Variants in SMARCC1 observed in about 807,000 individuals in gnomAD.
SMARCC1 encodes SWI/SNF related BAF chromatin remodeling complex subunit C1.
SMARCC1 carries 43 observed loss-of-function variants against 147.4 expected under a neutral mutation model. The ratio of observed to expected loss-of-function variants is 0.29; its 90% CI spans 0.23 to 0.38. The LOEUF (loss-of-function observed/expected upper bound fraction) is 0.38. SMARCC1 is among the 10% of genes least tolerant of loss of function. The probability of loss-of-function intolerance (pLI) is 1.00; values close to 1 mark genes in which losing one functional copy is unlikely to be tolerated. For missense variants in SMARCC1, 1,119 were observed against 1,381.1 expected (o/e 0.81, Z 3.01); for synonymous variants, 495 against 484.4 (o/e 1.02, Z -0.29).
At chr3:47,640,348 A>G (rs1476093330) in intron 21 of SMARCC1, among the ~76,000 whole-genome samples, 1 of 152,096 alleles carries the variant, frequency 6.6e-6, no homozygotes, top group Non-Finnish European at 1.5e-5. Context: ...AATGATAAAT[A>G]TAACTGATGA....
At chr3:47,622,373 G>A (rs745713299) in intron 24 of SMARCC1, 32 bp from the exon 25 acceptor site, 15 of 1,605,286 alleles carry the variant, frequency 9.3e-6, no homozygotes, top group Non-Finnish European at 1.2e-5. Context: ...AGCTATTTAG[G>A]TAAACATTTG....
chr3:47,683,326 G>A (rs1278148847), intron 14 of SMARCC1, among the ~76,000 whole-genome samples: 2 of 152,062 alleles, frequency 1.3e-5, no homozygotes, highest in Non-Finnish European at 2.9e-5. Flanking sequence ...GATTGCAGGT[G>A]TGAGCCATCG....
Position 47,710,739 on chromosome 3 carries a change from C to T in SMARCC1, c.862G>A (p.Asp288Asn). Reference protein sequence around the residue: ...EWMNEEDYEVDENRKPVSFRQ... With the variant: ...EWMNEEDYEVNENRKPVSFRQ... ...AAACTCACAGGCTTCCTATTTTCAT[C>T]CACCTCATAATCCTCCTCATTCATC... Residue 288 changes from aspartate to asparagine, a missense_variant, in exon 9 of 28, where the codon GAT (aspartate) becomes AAT (asparagine). Around this residue, in one of 6 missense-constraint regions of SMARCC1, gnomAD observed 542 missense variants for 611.8 expected, o/e 0.89. Coordinates refer to ENST00000254480, the MANE Select transcript of SMARCC1 (RefSeq NM_003074.4). 1 of 1,613,450 alleles carries T rather than the reference C, an allele frequency of 6.2e-7. No individual in the cohort carries two copies. The highest frequency in any genetic ancestry group is 8.5e-7 in the Non-Finnish European group (1 of 1,179,550).
chr3:47,725,437 C>T (rs975878143), intron 6 of SMARCC1, among the ~76,000 whole-genome samples: 5 of 151,676 alleles, frequency 3.3e-5, no homozygotes, highest in Non-Finnish European at 7.4e-5. Flanking sequence ...CAATTGTGCA[C>T]TTTATTATTA....
Position 47,610,231 on chromosome 3 carries a change from G to C in SMARCC1, c.2878C>G (p.Gln960Glu). 6.2e-7 allele frequency: 1 copy of C among 1,614,216 alleles called. No individual in the cohort carries two copies. Among genetic ancestry groups the C allele is most frequent in the South Asian group, 1.1e-5 (1 of 91,086 alleles). Residue 960 changes from glutamine (Q) to glutamate (E), a missense_variant, in exon 26 of 28, where the codon CAG (glutamine) becomes GAG (glutamate). By Grantham distance (29) the Gln-to-Glu change is conservative. Around this residue, in one of 6 missense-constraint regions of SMARCC1, gnomAD observed 186 missense variants for 216.5 expected, o/e 0.86. Coordinates refer to ENST00000254480, the MANE Select transcript of SMARCC1 (RefSeq NM_003074.4). Reference sequence around the variant, plus strand: ...TGAGGGTTCTGGCCATGCTGCTGCTGTTCCATTTGCTGTCGTGCTCGTAAT... The same window carrying C: ...TGAGGGTTCTGGCCATGCTGCTGCTCTTCCATTTGCTGTCGTGCTCGTAAT... ...AELRARQQME[Q>E]QQHGQNPQQA...
Position 47,633,763 on chromosome 3 carries a change from A to AATAT in SMARCC1, c.2646+1423_2646+1426dup, listed in dbSNP as rs1203888918. On this transcript the variant is annotated intron_variant, in intron 24 of 27. Coordinates refer to ENST00000254480, the MANE Select transcript of SMARCC1 (RefSeq NM_003074.4). ...TCTCAAAAAAAAAAAAAAAAAAAAA[A>AATAT]ATATATATATATATATACACACACA... 2.2e-4 allele frequency among the ~76,000 whole-genome samples: 7 copies of AATAT among 31,718 alleles called. 1 individual carries two copies. The highest frequency in any genetic ancestry group is 5.1e-4 in the African/African-American group (6 of 11,838). The allele number at this position is 31,718 out of a possible 152,430, so 20.8% of individuals were successfully genotyped here. A position where few individuals can be genotyped will look rare whatever the true frequency, so the allele number is the denominator to read the frequency against.
intron 2 of SMARCC1, among the ~76,000 whole-genome samples, chr3:47,756,167 G>A (rs1258575514): frequency 1.4e-5 from 2 of 146,914 alleles, no homozygotes; most frequent in African/African-American, 5.0e-5. Context: ...GGGCAATACT[G>A]CATCTCAAAA....
At chr3:47,709,131 C>T (rs993559439) in intron 9 of SMARCC1, among the ~76,000 whole-genome samples, 10 of 151,856 alleles carry the variant, frequency 6.6e-5, no homozygotes, top group African/African-American at 1.9e-4. Flanking sequence ...TGTGGTGGCA[C>T]GTGCCTGTAA....
intron 24 of SMARCC1, among the ~76,000 whole-genome samples, chr3:47,632,422 G>C (rs1266016891): frequency 6.6e-6 from 1 of 152,076 alleles, no homozygotes. Context: ...ACAGGTGTGA[G>C]CCACTGCACC....
chr3:47,676,374 C>A (rs2033573684), intron 17 of SMARCC1, among the ~76,000 whole-genome samples: 1 of 151,932 alleles, frequency 6.6e-6, no homozygotes, highest in Non-Finnish European at 1.5e-5. Flanking sequence ...TACTTTTATG[C>A]ATATAAAAGT....
In SMARCC1 at chr3:47,622,433, T is replaced by C; in HGVS notation, c.2647-92A>G. 4 of 1,182,936 alleles carry C rather than the reference T, an allele frequency of 3.4e-6. No individual in the cohort carries two copies. The South Asian group carries it at 5.1e-5, about 15-fold the overall frequency. 73.3% of individuals were successfully genotyped at this position (1,182,936 alleles called of 1,614,324 possible). On this transcript the variant is annotated intron_variant, in intron 24 of 27. Transcript: ENST00000254480. ...GACAATATTCAAAGTAGAGATTATA[T>C]AATTTACAATGGTACCCTATATGTC...
Position 47,781,872 on chromosome 3 carries a change from C to T in SMARCC1, c.-75G>A, listed in dbSNP as rs1225631578. 1.9e-6 allele frequency: 2 copies of T among 1,054,824 alleles called. No homozygotes were observed. Among genetic ancestry groups the T allele is most frequent in the Non-Finnish European group, 2.4e-6 (2 of 820,972 alleles). The allele number at this position is 1,054,824 out of a possible 1,614,324, so 65.3% of individuals were successfully genotyped here. ...GTTTCCCGGTCGTTCCCGCGCGCAC[C>T]CCCGCGCGCGTAGCCGCCACTGCCG... On this transcript the variant is annotated 5_prime_UTR_variant, in exon 1 of 28. Coordinates refer to ENST00000254480, the MANE Select transcript of SMARCC1 (RefSeq NM_003074.4).
At chr3:47,740,178 CTTTTTTTTTTTTTTTT>C (rs34523367) in intron 3 of SMARCC1, among the ~76,000 whole-genome samples, 3 of 35,706 alleles carry the variant, frequency 8.4e-5, no homozygotes, top group Non-Finnish European at 1.1e-4. Context: ...GCCCGGCCAT[CTTTTTTTTTTTTTTTT>C]TTTTTTTTTT....
rs888562004 is a variant in SMARCC1 at position 47,682,194 on chromosome 3, C to T, written c.1386-1686G>A. Among the ~76,000 whole-genome samples the T allele has an allele frequency of 4.7e-5, 7 of 150,488 alleles. No homozygotes were observed. In the East Asian group the frequency reaches 1.2e-3, roughly 25 times the overall value. ...CCTGTAGTCCCAGCTACTCGGGAGG[C>T]TGAGACGGGAGAATGGCGTGAACCC... On this transcript the variant is annotated intron_variant, in intron 14 of 27. Coordinates refer to ENST00000254480, the MANE Select transcript of SMARCC1 (RefSeq NM_003074.4).
At chr3:47,714,119 T>TAC (rs2034125739) in intron 8 of SMARCC1, among the ~76,000 whole-genome samples, 1 of 152,220 alleles carries the variant, frequency 6.6e-6, no homozygotes, top group Non-Finnish European at 1.5e-5. Context: ...ATCCCAGCAC[T>TAC]TTGGGAGGCT....
At chr3:47,612,171 G>T (rs1024130232) in intron 25 of SMARCC1, among the ~76,000 whole-genome samples, 2 of 152,192 alleles carry the variant, frequency 1.3e-5, no homozygotes, top group South Asian at 4.1e-4. Context: ...GTCCAGTTCT[G>T]CAGGAAGACT....
chr3:47,709,115 G>A (rs564554636), intron 9 of SMARCC1, among the ~76,000 whole-genome samples: 1 of 152,144 alleles, frequency 6.6e-6, no homozygotes, highest in South Asian at 2.1e-4. Flanking sequence ...AAAAAAATTA[G>A]CCAGGTGTGG....
In SMARCC1 at chr3:47,662,578, G is replaced by C; in HGVS notation, c.1914C>G (p.Tyr638Ter). 1 of 1,613,714 alleles carries C rather than the reference G, an allele frequency of 6.2e-7. No homozygotes were observed. Among genetic ancestry groups the C allele is most frequent in the Admixed American group, 1.7e-5 (1 of 59,976 alleles). ...CCGACACTTTGTTCCAATCATCCTT[G>C]TACATCTCCAGGGCCTAAGACAGAA... The part of the protein sequence containing the change: ...TLLLLEALEM[Y>*]KDDWNKVSEH... Residue 638 changes from tyrosine to a stop codon, truncating the protein, a stop_gained, in exon 20 of 28, where the codon TAC becomes TAG. Transcript: ENST00000254480. LOFTEE classifies it high-confidence loss of function.
chr3:47,677,481 T>C (rs557376650), intron 16 of SMARCC1, among the ~76,000 whole-genome samples: 20 of 151,732 alleles, frequency 1.3e-4, no homozygotes, highest in Non-Finnish European at 2.2e-4. Context: ...CCATCCCTGG[T>C]TATTTTATGA....
Sources: gnomAD v4.1 joint callset for allele counts (sites outside exome capture counted in the v4.1 genomes callset) on GRCh38, gnomAD v4.1.1 for gene constraint, gnomAD v4.1.1 regional missense constraint, MANE v1.5 for transcripts, NCBI Gene and HGNC (gene_info 2026-07-23, HGNC 2026-07-21) for gene names.